B3GALT1: variants seen among roughly 807,000 people sequenced by gnomAD.
B3GALT1 encodes the protein beta-1,3-galactosyltransferase 1.
Under a neutral mutation model 23.2 loss-of-function variants are expected in B3GALT1, and 10 were observed. The observed-to-expected ratio is 0.43, with a 90% CI of 0.27 to 0.73. B3GALT1 has a LOEUF of 0.73. Among genes scored for constraint, B3GALT1 ranks in the 30% least tolerant of loss-of-function variants. The pLI is 0.21. For synonymous variants in B3GALT1, 156 were observed against 141.5 expected (o/e 1.10, Z -0.73); for missense variants, 299 against 405.4 (o/e 0.74, Z 2.25).
At chr2:167,707,951 A>G (rs1029058221) in intron 3 of B3GALT1, among the ~76,000 whole-genome samples, 1 of 152,232 alleles carries the variant, frequency 6.6e-6, no homozygotes, top group Non-Finnish European at 1.5e-5. Flanking sequence ...TGGTTCAAAC[A>G]TCATGCATAG....
chr2:167,306,179 TAACTC>T (rs950684205), intron 1 of B3GALT1, among the ~76,000 whole-genome samples: 7 of 152,104 alleles, frequency 4.6e-5, no homozygotes, highest in South Asian at 2.1e-4. Flanking sequence ...AAATCAGAAA[TAACTC>T]AAATGGCCAA....
intron 4 of B3GALT1, among the ~76,000 whole-genome samples, chr2:167,852,899 T>A (rs1392744047): frequency 3.3e-5 from 5 of 152,192 alleles, no homozygotes; most frequent in African/African-American, 1.2e-4. Flanking sequence ...ACTGTGCTAG[T>A]ATGCTGAGGC....
chr2:167,819,399 T>G (rs1267659565), intron 4 of B3GALT1, among the ~76,000 whole-genome samples: 1 of 152,188 alleles, frequency 6.6e-6, no homozygotes, highest in Non-Finnish European at 1.5e-5. Context: ...AGTGAATAAT[T>G]GTTAAAATGT....
chr2:167,748,319 C>T lies in B3GALT1; in HGVS notation c.-351-70353C>T, dbSNP rs189974071. On this transcript the variant is annotated intron_variant, in intron 3 of 4. Coordinates refer to ENST00000392690, the MANE Select transcript of B3GALT1 (RefSeq NM_020981.4). ...CTAAGGCAAGCCATCAGTTATCCAC[C>T]GAGATGAGCGATAACTTGCAAATCC... Among the ~76,000 whole-genome samples the T allele has an allele frequency of 1.3e-4, 20 of 152,068 alleles. No homozygotes were observed. In the East Asian group the frequency reaches 2.9e-3, roughly 22 times the overall value.
intron 2 of B3GALT1, among the ~76,000 whole-genome samples, chr2:167,574,335 A>G (rs987758057): frequency 2.0e-5 from 3 of 151,696 alleles, no homozygotes; most frequent in African/African-American, 7.2e-5. Context: ...AAGCCACTAA[A>G]TCTACATCCA....
intron 4 of B3GALT1, among the ~76,000 whole-genome samples, chr2:167,824,388 C>A (rs1689171974): frequency 1.3e-5 from 2 of 152,262 alleles, no homozygotes; most frequent in East Asian, 3.9e-4. Flanking sequence ...TTGCAACTTG[C>A]AAAGTTAATA....
chr2:167,586,142 A>T (rs1684581262), intron 2 of B3GALT1, among the ~76,000 whole-genome samples: 1 of 146,518 alleles, frequency 6.8e-6, no homozygotes, highest in Non-Finnish European at 1.5e-5. Flanking sequence ...TAATACTTTG[A>T]TTTTGTAAAA....
chr2:167,529,969 A>G (rs900480762), intron 2 of B3GALT1, among the ~76,000 whole-genome samples: 1 of 152,060 alleles, frequency 6.6e-6, no homozygotes, highest in African/African-American at 2.4e-5. Flanking sequence ...GAGTCCTGTC[A>G]TCTTTAAAGT....
At chr2:167,682,134 A>G (rs1686541002) in intron 3 of B3GALT1, among the ~76,000 whole-genome samples, 2 of 151,908 alleles carry the variant, frequency 1.3e-5, no homozygotes, top group African/African-American at 4.8e-5. Context: ...CTTGGTGTCC[A>G]TCCTCTTCTC....
At chr2:167,375,708 A>G (rs1697752383) in intron 1 of B3GALT1, among the ~76,000 whole-genome samples, 2 of 152,118 alleles carry the variant, frequency 1.3e-5, no homozygotes, top group South Asian at 2.1e-4. Flanking sequence ...AAACCTTGCT[A>G]AAAGTGTTTA....
intron 1 of B3GALT1, among the ~76,000 whole-genome samples, chr2:167,390,487 T>A (rs1374130660): frequency 1.3e-5 from 2 of 152,192 alleles, no homozygotes; most frequent in Non-Finnish European, 2.9e-5. Flanking sequence ...AGGCTCTCAA[T>A]TAGAGTGCAT....
At chr2:167,808,504 G>C (rs1460579538) in intron 3 of B3GALT1, among the ~76,000 whole-genome samples, 4 of 151,766 alleles carry the variant, frequency 2.6e-5, no homozygotes. Flanking sequence ...CTCAGCATTT[G>C]CTTGTCTGTA....
intron 2 of B3GALT1, among the ~76,000 whole-genome samples, chr2:167,522,606 T>G (rs76824858): frequency 0.012 from 1,830 of 152,244 alleles, 82 homozygotes; most frequent in East Asian, 0.11. Context: ...GGTTGTGTAT[T>G]TAATTCACAA....
At chr2:167,656,224 C>T (rs1429406198) in intron 3 of B3GALT1, among the ~76,000 whole-genome samples, 1 of 152,102 alleles carries the variant, frequency 6.6e-6, no homozygotes, top group Non-Finnish European at 1.5e-5. Flanking sequence ...AGAGAGTGCC[C>T]TCCCACTCTC....
intron 2 of B3GALT1, among the ~76,000 whole-genome samples, chr2:167,506,156 C>T (rs1259264704): frequency 6.6e-6 from 1 of 152,190 alleles, no homozygotes; most frequent in Non-Finnish European, 1.5e-5. Flanking sequence ...TGTAGATTCT[C>T]CCTCCTCTGT....
At chr2:167,499,836 T>G (rs1303010102) in intron 2 of B3GALT1, among the ~76,000 whole-genome samples, 1 of 152,038 alleles carries the variant, frequency 6.6e-6, no homozygotes, top group South Asian at 2.1e-4. Flanking sequence ...AATAACAATG[T>G]AGGTAGAGGA....
intron 3 of B3GALT1, among the ~76,000 whole-genome samples, chr2:167,766,980 T>G (rs895930927): frequency 2.6e-5 from 4 of 152,326 alleles, no homozygotes; most frequent in Admixed American, 2.6e-4. Flanking sequence ...ATGATTGTGC[T>G]TTGTCTTCAG....
chr2:167,793,607 A>G (rs1181428667), intron 3 of B3GALT1, among the ~76,000 whole-genome samples: 2 of 152,116 alleles, frequency 1.3e-5, no homozygotes, highest in Admixed American at 1.3e-4. Flanking sequence ...GGAAAATTCT[A>G]AAAGTAAAGT....
At chr2:167,752,288 T>C (rs986854177) in intron 3 of B3GALT1, among the ~76,000 whole-genome samples, 1 of 152,196 alleles carries the variant, frequency 6.6e-6, no homozygotes, top group Non-Finnish European at 1.5e-5. Flanking sequence ...ACTTTTAACC[T>C]TATATGTATA....
Sources: allele counts gnomAD v4.1 joint callset (sites outside exome capture counted in the v4.1 genomes callset), GRCh38; gene constraint gnomAD v4.1.1; transcripts MANE v1.5; gene names NCBI Gene and HGNC (gene_info 2026-07-23, HGNC 2026-07-21).